Variants in COX7B2 observed in about 807,000 individuals in gnomAD.
COX7B2 encodes the protein cytochrome c oxidase subunit 7B2, mitochondrial.
For missense variants in COX7B2, 109 were observed against 95.9 expected, an observed-to-expected ratio of 1.14 and a Z score of -0.57; for synonymous variants, 37 against 32.1, an observed-to-expected ratio of 1.15 and a Z score of -0.51.
At chr4:46,893,814 CAA>C (rs1263610969) in intron 1 of COX7B2, among the ~76,000 whole-genome samples, 2 of 152,000 alleles carry the variant, frequency 1.3e-5, no homozygotes, top group Non-Finnish European at 2.9e-5. Context: ...ATAAAATAAT[CAA>C]AGAGTATATA....
At chr4:46,816,597 T>C (rs1164866999) in intron 2 of COX7B2, among the ~76,000 whole-genome samples, 3 of 152,220 alleles carry the variant, frequency 2.0e-5, no homozygotes, top group Non-Finnish European at 4.4e-5. Flanking sequence ...GCAAAGCATC[T>C]TGTACATCAT....
At chr4:46,839,157 C>T (rs995201916) in intron 2 of COX7B2, among the ~76,000 whole-genome samples, 3 of 152,068 alleles carry the variant, frequency 2.0e-5, no homozygotes, top group East Asian at 3.9e-4. Context: ...GTAGAGCAGC[C>T]TATTTTTGTG....
intron 2 of COX7B2, among the ~76,000 whole-genome samples, chr4:46,790,481 T>C (rs1273350480): frequency 6.8e-6 from 1 of 145,988 alleles, no homozygotes; most frequent in African/African-American, 2.8e-5. Flanking sequence ...AATTTATTAC[T>C]TATTATTGCT....
chr4:46,756,121 T>C lies in COX7B2; in HGVS notation c.-49-20880A>G, dbSNP rs116432963. 7.4e-3 allele frequency among the ~76,000 whole-genome samples: 1,118 copies of C among 151,824 alleles called. 9 individuals are homozygous for C. The highest frequency in any genetic ancestry group is 0.026 in the African/African-American group (1,064 of 41,474). On this transcript the variant is annotated intron_variant, in intron 2 of 2. Transcript: ENST00000355591. Reference sequence around the variant, plus strand: ...ACTGGTATAAAAATAGACACATCAGTCAATGGAACAGAGAAGAGGACCCAG... The same window carrying C: ...ACTGGTATAAAAATAGACACATCAGCCAATGGAACAGAGAAGAGGACCCAG...
At position 46,782,534 on chromosome 4, in the gene COX7B2, A is replaced by G. The variant is rs536216175; in HGVS notation, c.-49-47293T>C. ...ATGTTGGGGGCGGGGGTCCCATAAG[A>G]GAATAAAAGCAGGCTGCCCAAGCGA... On this transcript the variant is annotated intron_variant, in intron 2 of 2. Coordinates refer to ENST00000355591, the MANE Select transcript of COX7B2 (RefSeq NM_130902.3). 1.2e-3 allele frequency among the ~76,000 whole-genome samples: 187 copies of G among 152,074 alleles called. 1 individual carries two copies. The highest frequency in any genetic ancestry group is 4.3e-3 in the African/African-American group (177 of 41,464).
At chr4:46,877,891 G>C (rs1410647971) in intron 1 of COX7B2, among the ~76,000 whole-genome samples, 1 of 151,980 alleles carries the variant, frequency 6.6e-6, no homozygotes, top group Non-Finnish European at 1.5e-5. Context: ...TATACCTAAA[G>C]GAAATGAAGT....
intron 1 of COX7B2, among the ~76,000 whole-genome samples, chr4:46,845,620 G>C (rs1386191048): frequency 6.6e-6 from 1 of 151,844 alleles, no homozygotes; most frequent in Non-Finnish European, 1.5e-5. Context: ...CACCCAAAAA[G>C]CAGATATTAA....
chr4:46,764,128 T>G (rs993334033), intron 2 of COX7B2, among the ~76,000 whole-genome samples: 1 of 152,200 alleles, frequency 6.6e-6, no homozygotes, highest in Non-Finnish European at 1.5e-5. Context: ...ACTAGAAGAT[T>G]CTTTAGCATA....
chr4:46,828,959 G>A lies in COX7B2; in HGVS notation c.-50+16001C>T, dbSNP rs539320558. Among the ~76,000 whole-genome samples, 6 of 152,270 alleles carry A rather than the reference G, an allele frequency of 3.9e-5. No homozygotes were observed. The South Asian group carries it at 1.2e-3, about 32-fold the overall frequency. On this transcript the variant is annotated intron_variant, in intron 2 of 2. Transcript: ENST00000355591. ...AAAAAATGTATTTCTCTACATTCAT[G>A]AATCTTAATACTTTTGTAATGCTCA... is the stretch of plus-strand genomic sequence containing the variant.
chr4:46,864,536 G>C (rs1717528804), intron 1 of COX7B2, among the ~76,000 whole-genome samples: 1 of 152,176 alleles, frequency 6.6e-6, no homozygotes. Flanking sequence ...CAGGTGGGCA[G>C]TTAATCATTG....
intron 2 of COX7B2, among the ~76,000 whole-genome samples, chr4:46,815,369 G>C (rs1252121083): frequency 6.6e-6 from 1 of 152,114 alleles, no homozygotes; most frequent in African/African-American, 2.4e-5. Context: ...ATTCTACTCA[G>C]AACTCATGAC....
At chr4:46,805,168 T>C (rs533942606) in intron 2 of COX7B2, among the ~76,000 whole-genome samples, 3 of 152,096 alleles carry the variant, frequency 2.0e-5, no homozygotes, top group Admixed American at 6.5e-5. Context: ...CACCCATGCC[T>C]CTCCCTCCAC....
At chr4:46,891,165 C>G (rs1334639943) in intron 1 of COX7B2, among the ~76,000 whole-genome samples, 2 of 152,142 alleles carry the variant, frequency 1.3e-5, no homozygotes. Flanking sequence ...TTACTGTTTA[C>G]TTGAAAGAGA....
At chr4:46,870,330 A>AAC (rs1553895618) in intron 1 of COX7B2, among the ~76,000 whole-genome samples, 4 of 151,634 alleles carry the variant, frequency 2.6e-5, no homozygotes, top group South Asian at 2.1e-4. Context: ...TGAAAAAAAA[A>AAC]ATAACTCAAA....
chr4:46,797,036 T>A (rs1249296075), intron 2 of COX7B2, among the ~76,000 whole-genome samples: 4 of 94,110 alleles, frequency 4.3e-5, no homozygotes, highest in Non-Finnish European at 7.6e-5. Flanking sequence ...GGCACATGTA[T>A]ACATATGTAA....
chr4:46,826,889 G>A (rs1456939385), intron 2 of COX7B2, among the ~76,000 whole-genome samples: 1 of 151,870 alleles, frequency 6.6e-6, no homozygotes, highest in Non-Finnish European at 1.5e-5. Flanking sequence ...AGGGAGAGGA[G>A]CAGAAAAATG....
rs147672762 is a variant in COX7B2, at chr4:46,904,867, A to C, written c.-105+4293T>G. On this transcript the variant is annotated intron_variant, in intron 1 of 2. Coordinates refer to ENST00000355591, the MANE Select transcript of COX7B2 (RefSeq NM_130902.3). ...CTATCTTTTGTAGAGAAAAGGAAAA[A>C]TTAAGAACATGGATTCCTATTTGTA... 1.3e-3 allele frequency among the ~76,000 whole-genome samples: 200 copies of C among 152,310 alleles called. 6 individuals carry two copies. In the East Asian group the frequency reaches 0.035, roughly 27 times the overall value.
chr4:46,822,878 A>C (rs1464237232), intron 2 of COX7B2, among the ~76,000 whole-genome samples: 7 of 152,246 alleles, frequency 4.6e-5, no homozygotes, highest in Non-Finnish European at 1.0e-4. Flanking sequence ...TTATCTTTAG[A>C]TAACAAAAAA....
At chr4:46,759,932 TTA>T (rs1560360153) in intron 2 of COX7B2, among the ~76,000 whole-genome samples, 3 of 151,342 alleles carry the variant, frequency 2.0e-5, no homozygotes, top group Non-Finnish European at 4.4e-5. Flanking sequence ...AAGTCTTATC[TTA>T]TATGTTATAT....
Sources: gnomAD v4.1 joint callset for allele counts (sites outside exome capture counted in the v4.1 genomes callset) on GRCh38, gnomAD v4.1.1 for gene constraint, MANE v1.5 for transcripts, NCBI Gene and HGNC (gene_info 2026-07-23, HGNC 2026-07-21) for gene names.